The following RAB31 variants were observed in gnomAD, a reference collection of about 807,000 sequenced individuals.
The protein encoded by RAB31 is ras-related protein Rab-31.
In RAB31, 21 loss-of-function variants were observed where a neutral mutation model predicts 25.6. That is an observed-to-expected ratio of 0.82 (90% CI 0.58 to 1.18). The LOEUF (loss-of-function observed/expected upper bound fraction) is 1.18. Among genes scored for constraint, RAB31 ranks in the 50% most tolerant of loss-of-function variants. The pLI is 0.00. For synonymous variants in RAB31, 87 were observed against 84.0 expected (o/e 1.04, Z -0.20); for missense variants, 196 against 250.1 (o/e 0.78, Z 1.46).
intron 3 of RAB31, among the ~76,000 whole-genome samples, chr18:9,792,981 CTA>C (rs1241429162): frequency 6.6e-6 from 1 of 152,188 alleles, no homozygotes; most frequent in African/African-American, 2.4e-5. Context: ...ATGGAGAAGA[CTA>C]TATATTTTAG....
chr18:9,740,515 A>G (rs2068172685), intron 1 of RAB31, among the ~76,000 whole-genome samples: 1 of 152,110 alleles, frequency 6.6e-6, no homozygotes, highest in Non-Finnish European at 1.5e-5. Flanking sequence ...GGAGTTCGAG[A>G]CCAGCCTGGC....
intron 1 of RAB31, among the ~76,000 whole-genome samples, chr18:9,728,613 C>T (rs1386890823): frequency 2.6e-5 from 4 of 152,204 alleles, no homozygotes; most frequent in African/African-American, 9.6e-5. Context: ...TCTTGGCTCA[C>T]TACAACCTCT....
At position 9,841,531 on chromosome 18, in the gene RAB31, T is replaced by C. The variant is rs1406414697; in HGVS notation, c.381-4051T>C. Among the ~76,000 whole-genome samples the C allele has an allele frequency of 6.8e-5, 8 of 116,976 alleles. No individual in the cohort carries two copies. The South Asian group carries it at 2.7e-3, about 40-fold the overall frequency. The allele number at this position is 116,976 out of a possible 152,430, so 76.7% of individuals were successfully genotyped here. On this transcript the variant is annotated intron_variant, in intron 5 of 6. Coordinates refer to ENST00000578921, the MANE Select transcript of RAB31 (RefSeq NM_006868.4). ...TCCAGCCTGGGCGATAGAGTGAGAC[T>C]CTGTCTCAAAAAAAAAAAAAAAAAA...
rs1157166413 is a variant in RAB31, at chr18:9,708,604, T to C, written c.39+160T>C. Among the ~76,000 whole-genome samples the C allele has an allele frequency of 2.1e-5, 3 of 144,428 alleles. No homozygotes were observed. The highest frequency in any genetic ancestry group is 7.8e-5 in the African/African-American group (3 of 38,392). 94.8% of individuals were successfully genotyped at this position (144,428 alleles called of 152,430 possible). The stretch of plus-strand genomic sequence containing the variant: ...TCCGCGCGCCCCCTGGTTCCCCGGG[T>C]CCCCCTGGCTCCCCTAGTCCGTGCG... On this transcript the variant is annotated intron_variant, in intron 1 of 6. Coordinates refer to ENST00000578921, the MANE Select transcript of RAB31 (RefSeq NM_006868.4). This position sits in a 1 kb window ranked among gnomAD's most constrained non-coding sequence, Gnocchi z 6.4.
intron 1 of RAB31, among the ~76,000 whole-genome samples, chr18:9,753,052 A>G (rs2068243402): frequency 6.6e-6 from 1 of 152,254 alleles, no homozygotes; most frequent in Non-Finnish European, 1.5e-5. Context: ...CATGAGAAAG[A>G]AGACTGGGAC....
At chr18:9,805,304 G>T (rs2068534712) in intron 3 of RAB31, among the ~76,000 whole-genome samples, 1 of 146,348 alleles carries the variant, frequency 6.8e-6, no homozygotes, top group African/African-American at 2.5e-5. Flanking sequence ...AAAGAAATAA[G>T]TATCACTGGA....
chr18:9,858,892 G>A (rs1010403163), intron 6 of RAB31, among the ~76,000 whole-genome samples: 38 of 152,204 alleles, frequency 2.5e-4, no homozygotes, highest in African/African-American at 8.9e-4. Flanking sequence ...GGCAGGGAGA[G>A]GGAAGAGCGC....
chr18:9,848,699 A>ACTATG (rs1170481513), intron 6 of RAB31, among the ~76,000 whole-genome samples: 1 of 152,226 alleles, frequency 6.6e-6, no homozygotes, highest in African/African-American at 2.4e-5. Context: ...TCCACAGTCG[A>ACTATG]CTATGCCTGG....
At position 9,786,733 on chromosome 18, in the gene RAB31, T is replaced by A. The variant is rs148871721; in HGVS notation, c.120-5421T>A. 3 of 152,222 alleles carry A rather than the reference T, an allele frequency of 2.0e-5. No homozygotes were observed. The East Asian group carries it at 5.8e-4, about 29-fold the overall frequency. 9.4% of individuals were successfully genotyped at this position (152,222 alleles called of 1,614,324 possible). A position where few individuals can be genotyped will look rare whatever the true frequency, so the allele number is the denominator to read the frequency against. On this transcript the variant is annotated intron_variant, in intron 2 of 6. Transcript: ENST00000578921. ...GTTCTAGAGAGTTATCTCCTACACATCTGGCTTCTGGCAACTCTGCTTCCT... is the reference window on the plus strand; with the variant it reads ...GTTCTAGAGAGTTATCTCCTACACAACTGGCTTCTGGCAACTCTGCTTCCT...
chr18:9,748,648 T>G (rs551029495), intron 1 of RAB31, among the ~76,000 whole-genome samples: 1 of 152,150 alleles, frequency 6.6e-6, no homozygotes, highest in African/African-American at 2.4e-5. Context: ...ATCCCAGCAC[T>G]TTGGGAAGTC....
At chr18:9,709,402 T>C (rs372970780) in intron 1 of RAB31, among the ~76,000 whole-genome samples, 3 of 152,158 alleles carry the variant, frequency 2.0e-5, no homozygotes, top group Non-Finnish European at 4.4e-5. Flanking sequence ...GCCCGTGTCA[T>C]TGGCAAAGCT....
intron 1 of RAB31, among the ~76,000 whole-genome samples, chr18:9,713,393 G>A (rs2068027740): frequency 6.6e-6 from 1 of 152,122 alleles, no homozygotes; most frequent in South Asian, 2.1e-4. Context: ...ACCATTTGTG[G>A]AAAGTATGTT....
Position 9,708,555 on chromosome 18 carries a change from C to T in RAB31, c.39+111C>T, listed in dbSNP as rs977078639. 2.0e-5 allele frequency: 19 copies of T among 965,190 alleles called. No homozygotes were observed. In the Admixed American group the frequency reaches 2.7e-4, roughly 14 times the overall value. 59.8% of individuals were successfully genotyped at this position (965,190 alleles called of 1,614,324 possible). On this transcript the variant is annotated intron_variant, in intron 1 of 6. Coordinates refer to ENST00000578921, the MANE Select transcript of RAB31 (RefSeq NM_006868.4). This position sits in a 1 kb window ranked among gnomAD's most constrained non-coding sequence, Gnocchi z 6.4. ...CGTGATCCCCTCGCTCTCCGCACCCCTCTCGTAGCCCCCGTCCCCCTCGTC... is the reference window on the plus strand; with the variant it reads ...CGTGATCCCCTCGCTCTCCGCACCCTTCTCGTAGCCCCCGTCCCCCTCGTC...
At position 9,810,882 on chromosome 18, in the gene RAB31, A is replaced by G. The variant is rs564928667; in HGVS notation, c.202-3138A>G. 2.5e-4 allele frequency among the ~76,000 whole-genome samples: 38 copies of G among 152,348 alleles called. No homozygotes were observed. The South Asian group carries it at 7.7e-3, about 31-fold the overall frequency. ...ATTTTGAAAAAAATGGGCATTTTGT[A>G]TAATTGGGGTAAAAGGATACTTAAT... On this transcript the variant is annotated intron_variant, in intron 3 of 6. Coordinates refer to ENST00000578921, the MANE Select transcript of RAB31 (RefSeq NM_006868.4).
chr18:9,800,338 C>T (rs924407549), intron 3 of RAB31, among the ~76,000 whole-genome samples: 1 of 151,996 alleles, frequency 6.6e-6, no homozygotes, highest in African/African-American at 2.4e-5. Flanking sequence ...TTTTTTCCAC[C>T]GTGCTATACT....
At chr18:9,813,831 GAA>G (rs1337428284) in intron 3 of RAB31, among the ~76,000 whole-genome samples, 187 bp from the exon 4 acceptor site, 1 of 151,978 alleles carries the variant, frequency 6.6e-6, no homozygotes, top group East Asian at 1.9e-4. Flanking sequence ...TAGCCTGGGT[GAA>G]AAGAGTGAAA....
chr18:9,742,016 G>A (rs1288755095), intron 1 of RAB31, among the ~76,000 whole-genome samples: 1 of 152,174 alleles, frequency 6.6e-6, no homozygotes, highest in Non-Finnish European at 1.5e-5. Flanking sequence ...CCTGTCTCAC[G>A]CTGTCCCCAG....
intron 5 of RAB31, among the ~76,000 whole-genome samples, chr18:9,839,749 C>A (rs998434041): frequency 1.3e-4 from 20 of 152,096 alleles, no homozygotes; most frequent in African/African-American, 4.6e-4. Context: ...GTCTGTGGCC[C>A]CCGAGCCTGT....
intron 1 of RAB31, among the ~76,000 whole-genome samples, chr18:9,772,680 G>A (rs1379570123): frequency 2.0e-5 from 3 of 152,182 alleles, no homozygotes; most frequent in Non-Finnish European, 2.9e-5. Context: ...GAGCGTGGTC[G>A]GTGTTGGGGA....
Sources: gnomAD v4.1 joint callset for allele counts (sites outside exome capture counted in the v4.1 genomes callset) on GRCh38, gnomAD v4.1.1 for gene constraint, Gnocchi (gnomAD v3.1) non-coding constraint, MANE v1.5 for transcripts, NCBI Gene and HGNC (gene_info 2026-07-23, HGNC 2026-07-21) for gene names.